IL1RAPL1: variants seen among roughly 807,000 people sequenced by gnomAD.
IL1RAPL1 encodes the protein interleukin-1 receptor accessory protein-like 1.
Under a neutral mutation model 48.4 loss-of-function variants are expected in IL1RAPL1, and 3 were observed. The ratio of observed to expected loss-of-function variants is 0.06; its 90% CI spans 0.03 to 0.16. The LOEUF (loss-of-function observed/expected upper bound fraction) is 0.16, where lower values mean the gene tolerates loss of function less well. Among genes scored for constraint, IL1RAPL1 ranks in the 10% least tolerant of loss-of-function variants. The pLI, the probability that IL1RAPL1 is intolerant of heterozygous loss-of-function variation, is 1.00. For missense variants in IL1RAPL1, 349 were observed against 530.6 expected (o/e 0.66, Z 3.36); for synonymous variants, 185 against 187.7 (o/e 0.99, Z 0.12).
intron 2 of IL1RAPL1, among the ~76,000 whole-genome samples, chrX:29,165,719 C>T (rs1005998199): frequency 8.9e-6 from 1 of 111,778 alleles, no homozygotes; most frequent in Admixed American, 9.5e-5. Flanking sequence ...TTACGCTGTG[C>T]TATATCACTA....
At chrX:29,100,058 A>T (rs758811480) in intron 2 of IL1RAPL1, among the ~76,000 whole-genome samples, 1 of 109,770 alleles carries the variant, frequency 9.1e-6, no homozygotes, top group East Asian at 2.9e-4. Flanking sequence ...TTAAAAATAC[A>T]AAAATTAGCT....
chrX:29,734,930 T>C (rs1233333722), intron 6 of IL1RAPL1, among the ~76,000 whole-genome samples: 1 of 112,400 alleles, frequency 8.9e-6, no homozygotes, highest in East Asian at 2.8e-4. Context: ...TATTTTCTCT[T>C]CTTGCTCTGT....
At chrX:28,877,475 T>C (rs1328248957) in intron 2 of IL1RAPL1, among the ~76,000 whole-genome samples, 1 of 112,040 alleles carries the variant, frequency 8.9e-6, no homozygotes, top group Admixed American at 9.5e-5. Context: ...AGGGAATACA[T>C]CCATTTTGAG....
intron 2 of IL1RAPL1, among the ~76,000 whole-genome samples, chrX:28,796,599 A>T (rs1936614063): frequency 1.8e-5 from 2 of 111,924 alleles, no homozygotes; most frequent in Non-Finnish European, 3.8e-5. Context: ...TGTCTTGCTC[A>T]TCTGGGTCAT....
At chrX:29,530,528 A>ACTGAGGGCTTTGACTGAGGG (rs1392602618) in intron 5 of IL1RAPL1, among the ~76,000 whole-genome samples, 26 of 111,730 alleles carry the variant, frequency 2.3e-4, no homozygotes, top group South Asian at 7.6e-4. Flanking sequence ...TTGTACACTG[A>ACTGAGGGCTTTGACTGAGGG]CCCCCATCGG....
intron 1 of IL1RAPL1, among the ~76,000 whole-genome samples, chrX:28,768,753 C>CTATATATATA (rs1190280943): frequency 1.1e-3 from 60 of 53,504 alleles, no homozygotes; most frequent in East Asian, 2.1e-3. Context: ...CTCTCTCTCT[C>CTATATATATA]TCTATATATA....
chrX:28,958,463 A>G (rs777761129), intron 2 of IL1RAPL1, among the ~76,000 whole-genome samples: 2 of 111,708 alleles, frequency 1.8e-5, no homozygotes, highest in South Asian at 3.8e-4. Flanking sequence ...TTTTCTTGCA[A>G]TGTACTATAG....
chrX:29,719,636 G>T (rs1282104557), intron 6 of IL1RAPL1, among the ~76,000 whole-genome samples: 1 of 107,150 alleles, frequency 9.3e-6, no homozygotes, highest in African/African-American at 3.4e-5. Context: ...AAGCTCTCAG[G>T]ATAAGTTGGG....
chrX:29,286,765 G>T (rs1484489802), intron 3 of IL1RAPL1, among the ~76,000 whole-genome samples: 1 of 111,691 alleles, frequency 9.0e-6, no homozygotes, highest in Non-Finnish European at 1.9e-5. Flanking sequence ...CCTTTTCATA[G>T]TTATGCCCTA....
intron 1 of IL1RAPL1, among the ~76,000 whole-genome samples, chrX:28,597,675 G>A (rs1933970547): frequency 9.2e-6 from 1 of 108,205 alleles, no homozygotes; most frequent in African/African-American, 3.4e-5. Context: ...AGGCTGCAAT[G>A]AGCCGAGATC....
chrX:29,665,126 G>A (rs1925962961), intron 5 of IL1RAPL1, among the ~76,000 whole-genome samples: 1 of 112,436 alleles, frequency 8.9e-6, no homozygotes, highest in Non-Finnish European at 1.9e-5. Flanking sequence ...GTGGGTTTTT[G>A]TGGACAAAAT....
At chrX:29,175,067 C>A (rs939507461) in intron 2 of IL1RAPL1, among the ~76,000 whole-genome samples, 1 of 55,893 alleles carries the variant, frequency 1.8e-5, no homozygotes, top group African/African-American at 6.8e-5. Flanking sequence ...GTGTGAGACT[C>A]CGTCTCAAAA....
At chrX:29,613,358 T>G (rs1324224019) in intron 5 of IL1RAPL1, among the ~76,000 whole-genome samples, 1 of 111,604 alleles carries the variant, frequency 9.0e-6, no homozygotes, top group Non-Finnish European at 1.9e-5. Flanking sequence ...AGCTACTGAT[T>G]AACTATTGGC....
chrX:29,177,985 G>C (rs904687599), intron 2 of IL1RAPL1, among the ~76,000 whole-genome samples: 7 of 111,876 alleles, frequency 6.3e-5, no homozygotes, highest in Non-Finnish European at 1.1e-4. Flanking sequence ...TCTTAATCCA[G>C]TCTATCATTG....
At chrX:28,698,475 C>T (rs1184161059) in intron 1 of IL1RAPL1, among the ~76,000 whole-genome samples, 2 of 111,346 alleles carry the variant, frequency 1.8e-5, no homozygotes, top group African/African-American at 6.5e-5. Context: ...TATTCTGGTT[C>T]AAATCACCTC....
chrX:28,776,534 GT>G (rs1431704053), intron 1 of IL1RAPL1, among the ~76,000 whole-genome samples: 1 of 112,018 alleles, frequency 8.9e-6, no homozygotes, highest in Non-Finnish European at 1.9e-5. Context: ...CAAGCCCACA[GT>G]TTCCAGAGAA....
intron 5 of IL1RAPL1, among the ~76,000 whole-genome samples, chrX:29,536,254 A>G (rs1162597088): frequency 1.8e-5 from 2 of 112,206 alleles, no homozygotes; most frequent in African/African-American, 6.5e-5. Flanking sequence ...TACAAATATC[A>G]GTATTTCAGA....
chrX:28,734,129 A>C (rs1202331479), intron 1 of IL1RAPL1, among the ~76,000 whole-genome samples: 6 of 110,778 alleles, frequency 5.4e-5, no homozygotes, highest in Non-Finnish European at 1.1e-4. Context: ...CTACAACCCT[A>C]CTTTAAGTCA....
At chrX:29,168,143 G>T (rs1003789753) in intron 2 of IL1RAPL1, among the ~76,000 whole-genome samples, 2 of 110,052 alleles carry the variant, frequency 1.8e-5, no homozygotes, top group Non-Finnish European at 3.8e-5. Flanking sequence ...TAAAATCAGG[G>T]TAATTATATA....
Sources: gnomAD v4.1 joint callset for allele counts (sites outside exome capture counted in the v4.1 genomes callset) on GRCh38, gnomAD v4.1.1 for gene constraint, MANE v1.5 for transcripts, NCBI Gene and HGNC (gene_info 2026-07-23, HGNC 2026-07-21) for gene names.